Variants in ARHGAP12 observed in about 807,000 individuals in gnomAD.
The protein encoded by ARHGAP12 is rho GTPase-activating protein 12.
Under a neutral mutation model 108.6 loss-of-function variants are expected in ARHGAP12, and 64 were observed. That is an observed-to-expected ratio of 0.59 (90% CI 0.48 to 0.73). ARHGAP12 has a LOEUF of 0.73. Ranked by LOEUF, ARHGAP12 falls within the 30% of genes least tolerant of loss-of-function variation. The pLI is 0.00. For synonymous variants in ARHGAP12, 312 were observed against 337.2 expected (o/e 0.93, Z 0.82); for missense variants, 940 against 1,005.9 (o/e 0.93, Z 0.89).
intron 16 of ARHGAP12, chr10:31,809,562 A>G (rs1834940482): frequency 3.1e-6 from 1 of 324,112 alleles, no homozygotes; most frequent in Non-Finnish European, 5.7e-6. Flanking sequence ...AGCTCAAGGA[A>G]ATGGTTTCAT....
intron 3 of ARHGAP12, among the ~76,000 whole-genome samples, chr10:31,887,019 C>A (rs764646398): frequency 3.3e-5 from 5 of 152,166 alleles, no homozygotes; most frequent in Admixed American, 1.3e-4. Context: ...TGAAACAGAT[C>A]CAGCAGGATC....
chr10:31,812,741 A>C lies in ARHGAP12; in HGVS notation c.1917T>G (p.Thr639=). 6.2e-7 allele frequency: 1 copy of C among 1,608,562 alleles called. No individual in the cohort carries two copies. The highest frequency in any genetic ancestry group is 1.7e-5 in the Admixed American group (1 of 59,750). Residue 639 remains threonine (T), a synonymous_variant, in exon 15 of 20, where the codon ACT becomes ACG. Coordinates refer to ENST00000344936, the MANE Select transcript of ARHGAP12 (RefSeq NM_018287.7). The part of the protein sequence containing the change: ...NLKKFLTRRP[T]LQAVREKGYI... Reference sequence around the variant, plus strand: ...AACCTTTTTCACGAACAGCTTGCAAAGTGGGGCGTCGTGTAAGAAACTTCT... The same window carrying C: ...AACCTTTTTCACGAACAGCTTGCAACGTGGGGCGTCGTGTAAGAAACTTCT...
intron 3 of ARHGAP12, among the ~76,000 whole-genome samples, chr10:31,903,088 T>A (rs920088151): frequency 6.6e-6 from 1 of 152,210 alleles, no homozygotes; most frequent in Non-Finnish European, 1.5e-5. Flanking sequence ...CTGGACTTCA[T>A]GCATCACTTA....
intron 11 of ARHGAP12, among the ~76,000 whole-genome samples, chr10:31,822,778 T>TC (rs1835462369): frequency 2.6e-5 from 4 of 152,004 alleles, no homozygotes; most frequent in Admixed American, 2.6e-4. Context: ...GCCTTTCCCT[T>TC]CCTCTAGGAC....
At chr10:31,880,188 T>G (rs537442248) in intron 3 of ARHGAP12, among the ~76,000 whole-genome samples, 1 of 152,344 alleles carries the variant, frequency 6.6e-6, no homozygotes, top group South Asian at 2.1e-4. Flanking sequence ...CTTCTTTATT[T>G]TGTTCTTTTC....
intron 3 of ARHGAP12, among the ~76,000 whole-genome samples, chr10:31,888,932 CAG>C (rs746711089): frequency 8.6e-5 from 13 of 150,600 alleles, no homozygotes; most frequent in Non-Finnish European, 1.9e-4. Context: ...TTTTTGGAGA[CAG>C]AGTCTCGCTC....
rs1365006625 is a variant in ARHGAP12, at chr10:31,908,242, C to G, written c.614G>C (p.Gly205Ala). The stretch of plus-strand genomic sequence containing the variant: ...AGAATCTTGATGTATTCTTTCAGAG[C>G]CTTCTCCTGCGGAATCACAAGATTG... ...QEQSCDSAGE[G>A]SERIHQDSES... The change falls in exon 3 of 20, where the codon GGC (glycine) becomes GCC (alanine). Residue 205 changes from glycine (G) to alanine (A), a missense_variant. Coordinates refer to ENST00000344936, the MANE Select transcript of ARHGAP12 (RefSeq NM_018287.7). 1 of 1,613,866 alleles carries G rather than the reference C, an allele frequency of 6.2e-7. No individual in the cohort carries two copies. The highest frequency in any genetic ancestry group is 1.1e-5 in the South Asian group (1 of 91,060).
At chr10:31,824,565 G>A (rs1271360824) in intron 11 of ARHGAP12, among the ~76,000 whole-genome samples, 3 of 152,080 alleles carry the variant, frequency 2.0e-5, no homozygotes, top group Non-Finnish European at 2.9e-5. Flanking sequence ...TGAATCGTGT[G>A]TAAGATCTTC....
chr10:31,863,267 T>C (rs1427830637), intron 3 of ARHGAP12, among the ~76,000 whole-genome samples: 9 of 152,226 alleles, frequency 5.9e-5, no homozygotes, highest in Admixed American at 5.9e-4. Flanking sequence ...CATATCCTAG[T>C]GAATGTGTTT....
At chr10:31,835,209 AAAAAAAAAG>A (rs1430871090) in intron 9 of ARHGAP12, among the ~76,000 whole-genome samples, 4 of 149,562 alleles carry the variant, frequency 2.7e-5, no homozygotes, top group Non-Finnish European at 4.5e-5. Context: ...AAAGAAAAAA[AAAAAAAAAG>A]AAAAAAATTT....
rs112302087 is a variant in ARHGAP12, at chr10:31,914,219, G to A, written c.-110-3656C>T. Among the ~76,000 whole-genome samples, 441 of 152,168 alleles carry A rather than the reference G, an allele frequency of 2.9e-3. 5 individuals carry two copies. Among genetic ancestry groups the A allele is most frequent in the Non-Finnish European group, 1.3e-3 (91 of 67,998 alleles). On this transcript the variant is annotated intron_variant, in intron 1 of 19. Transcript: ENST00000344936. ...TGCTTTCGTTGCCTGTGTTTTAGAG[G>A]TCATATCCAAAAGTCCTTGCCCAGA... is the stretch of plus-strand genomic sequence containing the variant.
intron 1 of ARHGAP12, among the ~76,000 whole-genome samples, chr10:31,925,354 C>T (rs1839990625): frequency 6.6e-6 from 1 of 152,112 alleles, no homozygotes; most frequent in Non-Finnish European, 1.5e-5. Flanking sequence ...AAATAAACTT[C>T]TTATTTTAAA....
intron 3 of ARHGAP12, among the ~76,000 whole-genome samples, chr10:31,899,646 A>C (rs1276754266): frequency 6.6e-6 from 1 of 152,212 alleles, no homozygotes; most frequent in Non-Finnish European, 1.5e-5. Flanking sequence ...TTTTCAACAA[A>C]TGGTGGTGAA....
In ARHGAP12 at chr10:31,839,293, A is replaced by G; in HGVS notation, c.1386+12T>C. The G allele has an allele frequency of 6.2e-7, 1 of 1,608,764 alleles. No homozygotes were observed. Among genetic ancestry groups the G allele is most frequent in the Non-Finnish European group, 8.5e-7 (1 of 1,176,088 alleles). ...GTCTATGCCTATTAAGAAGGAGAGG[A>G]TTGCTTCTTACCTTTGGACTGCTGG... On this transcript the variant is annotated intron_variant, in intron 9 of 19. Transcript: ENST00000344936.
Position 31,839,638 on chromosome 10 carries a change from G to C in ARHGAP12, c.1370C>G (p.Thr457Arg), listed in dbSNP as rs775867298. ...AAGATATGCTTCTATCATACTAACTGTATCTTGGTGCTTTGGTGAGGAGGG... is the reference window on the plus strand; with the variant it reads ...AAGATATGCTTCTATCATACTAACTCTATCTTGGTGCTTTGGTGAGGAGGG... ...SSPSSPKHQDTASSPKDQEKY... is the reference protein window; with the variant it reads ...SSPSSPKHQDRASSPKDQEKY... The change falls in exon 8 of 20, where the codon ACA (threonine) becomes AGA (arginine). Residue 457 changes from threonine (T) to arginine (R), a missense_variant and splice_region_variant. Physicochemically the swap from Thr to Arg is moderately conservative, Grantham distance 71 (BLOSUM62 -1). Transcript: ENST00000344936. The C allele has an allele frequency of 6.2e-7, 1 of 1,602,092 alleles. No homozygotes were observed. The highest frequency in any genetic ancestry group is 1.3e-5 in the African/African-American group (1 of 74,698).
chr10:31,849,341 T>C (rs1318599735), intron 6 of ARHGAP12, among the ~76,000 whole-genome samples: 3 of 152,188 alleles, frequency 2.0e-5, no homozygotes, highest in Admixed American at 1.3e-4. Context: ...TACTCAGTTG[T>C]CATATAAACA....
chr10:31,919,057 G>A (rs895373026), intron 1 of ARHGAP12, among the ~76,000 whole-genome samples: 2 of 152,204 alleles, frequency 1.3e-5, no homozygotes, highest in Non-Finnish European at 2.9e-5. Context: ...AAAAAGGAAG[G>A]AAATTCTGAC....
chr10:31,827,557 C>T (rs886193951), intron 10 of ARHGAP12, among the ~76,000 whole-genome samples: 3 of 151,978 alleles, frequency 2.0e-5, no homozygotes, highest in Non-Finnish European at 4.4e-5. Flanking sequence ...TTTGGGAGGC[C>T]GAGACGGGTG....
At chr10:31,816,215 T>C (rs1213163810) in intron 13 of ARHGAP12, among the ~76,000 whole-genome samples, 1 of 89,774 alleles carries the variant, frequency 1.1e-5, no homozygotes, top group Non-Finnish European at 2.4e-5. Flanking sequence ...GTGTGTAAAA[T>C]CATCTCTCTT....
Sources: allele counts gnomAD v4.1 joint callset (sites outside exome capture counted in the v4.1 genomes callset), GRCh38; gene constraint gnomAD v4.1.1; transcripts MANE v1.5; gene names NCBI Gene and HGNC (gene_info 2026-07-23, HGNC 2026-07-21).